Variants in IQUB observed in about 807,000 individuals in gnomAD.
The protein encoded by IQUB is IQ motif and ubiquitin domain containing.
In IQUB, 86 loss-of-function variants were observed where a neutral mutation model predicts 86.4. The observed-to-expected ratio is 1.00, with a 90% confidence interval of 0.84 to 1.19. The LOEUF is 1.19. IQUB is among the 50% of genes most tolerant of loss of function. IQUB has a pLI of 0.00. For synonymous variants in IQUB, 289 were observed against 304.5 expected (o/e 0.95, Z 0.53); for missense variants, 946 against 916.9 (o/e 1.03, Z -0.41).
chr7:123,505,721 C>A (rs1186655267), intron 3 of IQUB, among the ~76,000 whole-genome samples: 3 of 152,182 alleles, frequency 2.0e-5, no homozygotes, highest in Non-Finnish European at 2.9e-5. Flanking sequence ...ACAAGAGGGG[C>A]TGCCATGAAG....
chr7:123,513,125 A>G lies in IQUB; in HGVS notation c.-4-781T>C, dbSNP rs540450328. On this transcript the variant is annotated intron_variant, in intron 1 of 12. Coordinates refer to ENST00000324698, the MANE Select transcript of IQUB (RefSeq NM_178827.5). ...GGGGAATATGAAACCTTGAAACAGT[A>G]GTGAGGTGGAAAAGCTCTCTCTGGG... 2.6e-5 allele frequency among the ~76,000 whole-genome samples: 4 copies of G among 152,316 alleles called. No homozygotes were observed. In the South Asian group the frequency reaches 6.2e-4, roughly 24 times the overall value.
chr7:123,453,808 A>AAAGTT (rs1478569057), intron 12 of IQUB, among the ~76,000 whole-genome samples: 1 of 152,182 alleles, frequency 6.6e-6, no homozygotes, highest in Non-Finnish European at 1.5e-5. Flanking sequence ...GAGACAACAA[A>AAAGTT]AAGTTATATT....
chr7:123,525,959 A>T (rs1797184735), intron 1 of IQUB, among the ~76,000 whole-genome samples: 1 of 135,080 alleles, frequency 7.4e-6, no homozygotes, highest in African/African-American at 2.8e-5. Context: ...TTTGTTATGT[A>T]CCCAGTAGTC....
intron 3 of IQUB, among the ~76,000 whole-genome samples, chr7:123,507,929 G>GC (rs1158536868): frequency 1.3e-5 from 2 of 151,824 alleles, no homozygotes; most frequent in Non-Finnish European, 2.9e-5. Flanking sequence ...TTGGATAACT[G>GC]CCCCAAGTAT....
intron 6 of IQUB, among the ~76,000 whole-genome samples, chr7:123,500,475 T>C (rs898621724): frequency 6.6e-6 from 1 of 151,938 alleles, no homozygotes. Context: ...TCCAAAAATA[T>C]CAGTAGTCAC....
At chr7:123,517,938 C>T (rs1268736049) in intron 1 of IQUB, among the ~76,000 whole-genome samples, 1 of 152,106 alleles carries the variant, frequency 6.6e-6, no homozygotes, top group African/African-American at 2.4e-5. Context: ...GTATAGATAC[C>T]TAAAGGGCAA....
At chr7:123,529,723 T>A (rs1181621917) in intron 1 of IQUB, among the ~76,000 whole-genome samples, 4 of 23,214 alleles carry the variant, frequency 1.7e-4, no homozygotes, top group South Asian at 2.0e-3. Context: ...CTGTCTCTAC[T>A]TAAAAAAAAA....
At position 123,502,928 on chromosome 7, in the gene IQUB, C is replaced by G; in HGVS notation, c.867+16G>C. ...CTATACCTTCAAAAACCTAAAGAGA[C>G]AAATAAAAACATTACCTGCGTATCC... On this transcript the variant is annotated intron_variant, in intron 5 of 12. Transcript: ENST00000324698. 6.3e-7 allele frequency: 1 copy of G among 1,592,794 alleles called. No homozygotes were observed. Among genetic ancestry groups the G allele is most frequent in the East Asian group, 2.2e-5 (1 of 44,708 alleles).
At chr7:123,468,463 G>A (rs1464554405) in intron 9 of IQUB, among the ~76,000 whole-genome samples, 1 of 152,146 alleles carries the variant, frequency 6.6e-6, no homozygotes, top group Non-Finnish European at 1.5e-5. Flanking sequence ...TCTCAAGCGA[G>A]GCTCTTCCTG....
At position 123,452,925 on chromosome 7, in the gene IQUB, C is replaced by G; in HGVS notation, c.2194G>C (p.Gly732Arg). ...AHLKLTSIEE[G>R]YERSFIHKIK... Reference sequence around the variant, plus strand: ...TTGTGAATAAATGAGCGTTCATATCCCTGCAAAGAAAAAAATCAAATTCTA... The same window carrying G: ...TTGTGAATAAATGAGCGTTCATATCGCTGCAAAGAAAAAAATCAAATTCTA... The change falls in exon 13 of 13, where the codon GGA (glycine) becomes CGA (arginine). Residue 732 changes from glycine to arginine, a missense_variant and splice_region_variant. Gly to Arg is a moderately radical substitution (Grantham distance 125). Transcript: ENST00000324698. The G allele has an allele frequency of 6.3e-7, 1 of 1,597,536 alleles. No homozygotes were observed. The highest frequency in any genetic ancestry group is 8.5e-7 in the Non-Finnish European group (1 of 1,172,128).
chr7:123,503,181 A>G (rs377318427), intron 4 of IQUB, 21 bp downstream of exon 4: 1 of 1,608,234 alleles, frequency 6.2e-7, no homozygotes, highest in South Asian at 1.1e-5. Flanking sequence ...TACTTTATCT[A>G]AAAGACATCA....
At chr7:123,466,231 T>C (rs904020934) in intron 9 of IQUB, among the ~76,000 whole-genome samples, 1 of 152,180 alleles carries the variant, frequency 6.6e-6, no homozygotes, top group African/African-American at 2.4e-5. Context: ...TTAAAGACTT[T>C]AATCCTCCAT....
At chr7:123,533,981 T>C (rs972306352) in intron 1 of IQUB, among the ~76,000 whole-genome samples, 7 of 152,230 alleles carry the variant, frequency 4.6e-5, no homozygotes, top group African/African-American at 2.4e-5. Context: ...TAGAATGTAG[T>C]ATAATTAGTG....
chr7:123,510,163 G>T, intron 2 of IQUB, 128 bp from the exon 3 acceptor site: 3 of 614,182 alleles, frequency 4.9e-6, no homozygotes, highest in East Asian at 2.8e-5. Context: ...GTTCTTGCTA[G>T]TGTTTCCCTG....
chr7:123,531,304 C>T (rs1797529468), intron 1 of IQUB, among the ~76,000 whole-genome samples: 1 of 152,042 alleles, frequency 6.6e-6, no homozygotes, highest in Non-Finnish European at 1.5e-5. Context: ...AAAATGATTA[C>T]CAACCAAAAG....
intron 7 of IQUB, among the ~76,000 whole-genome samples, chr7:123,496,351 A>G (rs1193870125): frequency 1.3e-5 from 2 of 152,132 alleles, no homozygotes; most frequent in African/African-American, 4.8e-5. Flanking sequence ...AGAACAGCTC[A>G]ACTCTGAGTT....
chr7:123,523,841 A>G (rs1246625863), intron 1 of IQUB, among the ~76,000 whole-genome samples: 1 of 152,118 alleles, frequency 6.6e-6, no homozygotes, highest in Non-Finnish European at 1.5e-5. Flanking sequence ...TTTTAGGTCT[A>G]ATGTTTAAGT....
In IQUB at chr7:123,457,394, G is replaced by C. The variant is rs1793749235; in HGVS notation, c.2180C>G (p.Thr727Arg). The change falls in exon 12 of 13, where the codon ACA becomes AGA. Residue 727 changes from threonine to arginine, a missense_variant. By Grantham distance (71) the Thr-to-Arg change is moderately conservative. Coordinates refer to ENST00000324698, the MANE Select transcript of IQUB (RefSeq NM_178827.5). ...KDEAAAHLKL[T>R]SIEEGYERSF... ...CAACTTTCTTACCTCTTCAATACTTGTTAGCTTGAGATGAGCAGCTGCTTC... is the reference window on the plus strand; with the variant it reads ...CAACTTTCTTACCTCTTCAATACTTCTTAGCTTGAGATGAGCAGCTGCTTC... The C allele has an allele frequency of 3.1e-6, 5 of 1,610,914 alleles. No individual in the cohort carries two copies. The highest frequency in any genetic ancestry group is 1.3e-5 in the African/African-American group (1 of 74,620).
At chr7:123,457,282 G>T in intron 12 of IQUB, 99 bp downstream of exon 12, 1 of 1,469,982 alleles carries the variant, frequency 6.8e-7, no homozygotes. Context: ...TTAATCTGAT[G>T]GAAGTATTTA....
Sources: allele counts gnomAD v4.1 joint callset (sites outside exome capture counted in the v4.1 genomes callset), GRCh38; gene constraint gnomAD v4.1.1; transcripts MANE v1.5; gene names NCBI Gene and HGNC (gene_info 2026-07-23, HGNC 2026-07-21).